NCOR2: variants seen among roughly 807,000 people sequenced by gnomAD.
NCOR2 encodes nuclear receptor corepressor 2, also known as CTG repeat protein 26.
Under a neutral mutation model 262.9 loss-of-function variants are expected in NCOR2, and 81 were observed. The observed-to-expected ratio is 0.31, with a 90% CI of 0.26 to 0.37. NCOR2 has a LOEUF of 0.37. NCOR2 is among the 10% of genes least tolerant of loss of function. The probability of loss-of-function intolerance (pLI) is 1.00; values close to 1 mark genes in which losing one functional copy is unlikely to be tolerated. For missense variants in NCOR2, 3,385 were observed against 3,621.4 expected, an observed-to-expected ratio of 0.93 and a Z score of 1.68; for synonymous variants, 1,659 against 1,559.3, an observed-to-expected ratio of 1.06 and a Z score of -1.51.
rs558903742 is a variant in NCOR2 at position 124,374,910 on chromosome 12, C to T, written c.2168-447G>A. Among the ~76,000 whole-genome samples, 152 of 152,348 alleles carry T rather than the reference C, an allele frequency of 1.0e-3. 1 individual carries two copies. The highest frequency in any genetic ancestry group is 3.4e-3 in the Middle Eastern group (1 of 294). On this transcript the variant is annotated intron_variant, in intron 18 of 46. Coordinates refer to ENST00000405201, the Ensembl canonical transcript of NCOR2. ...CTCTTCAGCCTTCATTGCCCCCCCA[C>T]CAACCCTCCAGTCTCTCCTGCTTCT... is the stretch of plus-strand genomic sequence containing the variant.
intron 38 of NCOR2, chr12:124,336,391 G>GA (rs2035900574): frequency 5.5e-5 from 11 of 201,800 alleles, no homozygotes; most frequent in South Asian, 9.6e-5. Context: ...ATTCATTAAA[G>GA]AAAAAAAAGC....
chr12:124,373,991 A>G (rs2039776529), intron 19 of NCOR2, among the ~76,000 whole-genome samples: 2 of 151,946 alleles, frequency 1.3e-5, no homozygotes, highest in African/African-American at 2.4e-5. Flanking sequence ...GAGTGGCAGG[A>G]TGAAAGCACG....
chr12:124,518,457 A>T, intron 1 of NCOR2, among the ~76,000 whole-genome samples: 1 of 151,438 alleles, frequency 6.6e-6, no homozygotes, highest in Non-Finnish European at 1.5e-5. Flanking sequence ...TGCCCCCCAA[A>T]CCCGGGCAGG....
At chr12:124,325,391 C>G in exon 47 of NCOR2, 1 of 1,128,216 alleles carries the variant, frequency 8.9e-7, no homozygotes, top group South Asian at 3.4e-5. Flanking sequence ...CCCCCCCCGC[C>G]CTGTTCTGAG....
chr12:124,361,732 C>G (rs1014325425), intron 22 of NCOR2, among the ~76,000 whole-genome samples: 7 of 152,240 alleles, frequency 4.6e-5, no homozygotes, highest in Non-Finnish European at 8.8e-5. Context: ...CACACCGAAT[C>G]AGAGGCTGGG....
chr12:124,380,973 C>T (rs1388621824), intron 17 of NCOR2, among the ~76,000 whole-genome samples: 8 of 152,156 alleles, frequency 5.3e-5, no homozygotes, highest in Non-Finnish European at 1.2e-4. Flanking sequence ...TTATGCCTGA[C>T]GTTTATTAAG....
intron 7 of NCOR2, among the ~76,000 whole-genome samples, chr12:124,441,258 CAAAAACAAAA>C (rs927415653): frequency 2.6e-5 from 4 of 152,072 alleles, no homozygotes; most frequent in African/African-American, 4.8e-5. Context: ...CAAGAATTGC[CAAAAACAAAA>C]GAAAACAAAA....
At chr12:124,400,352 T>C (rs1305308135) in intron 15 of NCOR2, 149 bp downstream of exon 17, 19 of 1,046,070 alleles carry the variant, frequency 1.8e-5, no homozygotes, top group Admixed American at 4.2e-5. Context: ...GCACATCCAG[T>C]AGGTAGCGCT....
In NCOR2 at chr12:124,377,899, G is replaced by A. The variant is rs531285087; in HGVS notation, c.2167+338C>T. Among the ~76,000 whole-genome samples the A allele has an allele frequency of 1.1e-4, 17 of 151,832 alleles. 1 individual carries two copies. The South Asian group carries it at 2.9e-3, about 26-fold the overall frequency. On this transcript the variant is annotated intron_variant, in intron 18 of 46. Transcript: ENST00000405201. ...AAATTTTTTTCTAAACTGTGACATC[G>A]GATGGGGTGAAAGACAGCAGGCACC... is the stretch of plus-strand genomic sequence containing the variant.
chr12:124,395,354 G>T (rs1028755153), intron 16 of NCOR2, among the ~76,000 whole-genome samples: 2 of 151,052 alleles, frequency 1.3e-5, no homozygotes, highest in African/African-American at 2.4e-5. Context: ...TCCTGCCATC[G>T]CCTGGAACAC....
In NCOR2 at chr12:124,385,948, A is replaced by G. The variant is rs2040770460; in HGVS notation, c.1877-61T>C. The G allele has an allele frequency of 3.2e-6, 5 of 1,566,722 alleles. 1 individual carries two copies. Among genetic ancestry groups the G allele is most frequent in the Non-Finnish European group, 1.7e-6 (2 of 1,156,364 alleles). On this transcript the variant is annotated intron_variant, in intron 16 of 46. Coordinates refer to ENST00000405201, the Ensembl canonical transcript of NCOR2. ...GGCCCGGCACGCAGAGGGGGCCTGC[A>G]TCCATGGCCTGGGCGGCAAACGGGC...
chr12:124,487,371 C>A (rs1257034842), intron 1 of NCOR2, among the ~76,000 whole-genome samples: 3 of 152,248 alleles, frequency 2.0e-5, no homozygotes, highest in East Asian at 1.9e-4. Context: ...CGTATCACAG[C>A]CAGAAGGGTA....
At chr12:124,467,536 ACCC>A (rs1565970053) in intron 4 of NCOR2, among the ~76,000 whole-genome samples, 13 of 11,970 alleles carry the variant, frequency 1.1e-3, no homozygotes, top group Non-Finnish European at 1.3e-3. Flanking sequence ...CACCCCCATC[ACCC>A]TCATCCTCAT....
At chr12:124,335,554 T>C in exon 39 of NCOR2, 1 of 1,609,472 alleles carries the variant, frequency 6.2e-7, no homozygotes, top group Non-Finnish European at 8.5e-7. Flanking sequence ...GGGGAGCCCC[T>C]TGTCGTGGGT....
At chr12:124,532,225 C>T (rs1399112747) in intron 1 of NCOR2, among the ~76,000 whole-genome samples, 1 of 152,172 alleles carries the variant, frequency 6.6e-6, no homozygotes, top group East Asian at 1.9e-4. Context: ...CCCCCATGCC[C>T]CCTTCTACCA....
chr12:124,333,945 G>GGTGTGCACGTGTGT (rs2035595179), intron 41 of NCOR2, among the ~76,000 whole-genome samples: 2 of 142,366 alleles, frequency 1.4e-5, no homozygotes, highest in Admixed American at 1.4e-4. Context: ...CATGTGTGTG[G>GGTGTGCACGTGTGT]GTGTGCACGT....
At chr12:124,392,607 C>A (rs139974568) in intron 16 of NCOR2, among the ~76,000 whole-genome samples, 9 of 152,360 alleles carry the variant, frequency 5.9e-5, no homozygotes, top group African/African-American at 1.9e-4. Flanking sequence ...GGCCCGCCCA[C>A]CCCACTGTAA....
intron 1 of NCOR2, among the ~76,000 whole-genome samples, chr12:124,565,345 G>A (rs903869256): frequency 2.0e-5 from 3 of 152,182 alleles, no homozygotes; most frequent in African/African-American, 2.4e-5. Flanking sequence ...AGGCGGCTCA[G>A]GGAAGCCAGA....
rs189639137 is a variant in NCOR2, at chr12:124,492,770, C to T, written c.105+2377G>A. Among the ~76,000 whole-genome samples, 7 of 152,260 alleles carry T rather than the reference C, an allele frequency of 4.6e-5. No homozygotes were observed. The East Asian group carries it at 1.4e-3, about 30-fold the overall frequency. ...CCAGGGAGGGGCCTCCAGATCACAG[C>T]CCCCAGCTCACCTCCAACCCACAGC... is the stretch of plus-strand genomic sequence containing the variant. On this transcript the variant is annotated intron_variant, in intron 1 of 46. Transcript: ENST00000405201.
Sources: gnomAD v4.1 joint callset for allele counts (sites outside exome capture counted in the v4.1 genomes callset) on GRCh38, gnomAD v4.1.1 for gene constraint, MANE v1.5 for transcripts, NCBI Gene and HGNC (gene_info 2026-07-23, HGNC 2026-07-21) for gene names.